The following PTPRN2 variants were observed in gnomAD, a reference collection of about 807,000 sequenced individuals.
The protein encoded by PTPRN2 is protein tyrosine phosphatase receptor type N2.
Under a neutral mutation model 118.8 loss-of-function variants are expected in PTPRN2, and 74 were observed. The observed-to-expected ratio is 0.62, with a 90% CI of 0.52 to 0.76. PTPRN2 has a LOEUF of 0.76. Among genes scored for constraint, PTPRN2 ranks in the 30% least tolerant of loss-of-function variants. The pLI is 0.00. For missense variants in PTPRN2, 1,481 were observed against 1,394.4 expected (o/e 1.06, Z -0.99); for synonymous variants, 641 against 608.0 (o/e 1.05, Z -0.80).
chr7:157,891,215 T>C (rs1796779525), intron 12 of PTPRN2, among the ~76,000 whole-genome samples: 1 of 152,194 alleles, frequency 6.6e-6, no homozygotes, highest in Admixed American at 6.5e-5. Context: ...AAAGTCTGCA[T>C]TCAATGTCCA....
rs568798201 is a variant in PTPRN2 at position 157,818,298 on chromosome 7, GAGGGA to G, written c.1788+80370_1788+80374del. 4.6e-5 allele frequency among the ~76,000 whole-genome samples: 7 copies of G among 152,278 alleles called. No homozygotes were observed. In the East Asian group the frequency reaches 1.3e-3, roughly 29 times the overall value. ...ATGCCGGCAGTGTGTTGGTCATAGG[GAGGGA>G]AGGTGGAGGCTGCGGTCTAGCAGCA... On this transcript the variant is annotated intron_variant, in intron 12 of 22. Transcript: ENST00000389418.
rs777797435 is a variant in PTPRN2, at chr7:157,578,076, C to T, written c.2561G>A (p.Arg854Gln). 4.3e-6 allele frequency: 7 copies of T among 1,613,488 alleles called. No homozygotes were observed. The highest frequency in any genetic ancestry group is 1.3e-5 in the African/African-American group (1 of 74,910). Residue 854 changes from arginine to glutamine, a missense_variant, in exon 18 of 23, where the codon CGG (arginine) becomes CAG (glutamine). Transcript: ENST00000389418. ...MLTPLAENGVRQCYHYWPDEG... is the reference protein window; with the variant it reads ...MLTPLAENGVQQCYHYWPDEG... ...ATCCGGCCAGTAGTGGTAGCACTGC[C>T]GGACGCCGTTCTCCGCGAGGGGTGT...
At chr7:157,802,335 C>G (rs1185255663) in intron 12 of PTPRN2, among the ~76,000 whole-genome samples, 1 of 152,322 alleles carries the variant, frequency 6.6e-6, no homozygotes, top group African/African-American at 2.4e-5. Context: ...GTCGTGCAGC[C>G]TCTGTCCTGG....
chr7:158,162,409 T>C (rs1330935094), intron 6 of PTPRN2, among the ~76,000 whole-genome samples: 2 of 152,168 alleles, frequency 1.3e-5, no homozygotes, highest in East Asian at 3.9e-4. Flanking sequence ...TATAATGTAA[T>C]AATACAATAC....
intron 12 of PTPRN2, among the ~76,000 whole-genome samples, chr7:157,703,702 C>A (rs189062362): frequency 6.6e-6 from 1 of 152,096 alleles, no homozygotes; most frequent in Non-Finnish European, 1.5e-5. Context: ...GGGGTTCCTG[C>A]GGTCCAACCC....
chr7:158,364,731 G>C (rs1052409690), intron 2 of PTPRN2, among the ~76,000 whole-genome samples: 2 of 152,096 alleles, frequency 1.3e-5, no homozygotes, highest in African/African-American at 2.4e-5. Flanking sequence ...TGTGTTTGTG[G>C]GGCATCGTCT....
chr7:157,811,700 C>T (rs1456718558), intron 12 of PTPRN2, among the ~76,000 whole-genome samples: 1 of 152,140 alleles, frequency 6.6e-6, no homozygotes, highest in Non-Finnish European at 1.5e-5. Context: ...ATGCTCCCCA[C>T]AGGCCGGCCC....
chr7:158,264,899 G>C (rs1156792733), intron 3 of PTPRN2, among the ~76,000 whole-genome samples: 1 of 152,134 alleles, frequency 6.6e-6, no homozygotes, highest in Non-Finnish European at 1.5e-5. Flanking sequence ...GAGTTTTGGG[G>C]TCCTCCTCCT....
chr7:158,542,941 C>T (rs1469846157), intron 1 of PTPRN2, among the ~76,000 whole-genome samples: 2 of 152,228 alleles, frequency 1.3e-5, no homozygotes, highest in East Asian at 3.9e-4. Flanking sequence ...GCCGCAGAGA[C>T]CACAAAGCCC....
intron 12 of PTPRN2, among the ~76,000 whole-genome samples, chr7:157,737,159 T>C (rs1371576530): frequency 6.6e-6 from 1 of 152,252 alleles, no homozygotes; most frequent in Non-Finnish European, 1.5e-5. Context: ...ATGTATTTCA[T>C]GAAGCTTCGG....
At chr7:157,745,443 G>A (rs1254722156) in intron 12 of PTPRN2, among the ~76,000 whole-genome samples, 3 of 152,008 alleles carry the variant, frequency 2.0e-5, no homozygotes, top group Non-Finnish European at 4.4e-5. Context: ...TGGGGGAGAG[G>A]ACAGGCTGTG....
rs529004537 is a variant in PTPRN2 at position 158,376,423 on chromosome 7, C to A, written c.164-59491G>T. The stretch of plus-strand genomic sequence containing the variant: ...GGGACTCCCCCATGGCCCTGTCATA[C>A]GTCCTGAGGGAGGGGTTCAGGGGAC... On this transcript the variant is annotated intron_variant, in intron 2 of 22. Coordinates refer to ENST00000389418, the MANE Select transcript of PTPRN2 (RefSeq NM_002847.5). Among the ~76,000 whole-genome samples the A allele has an allele frequency of 5.6e-3, 812 of 144,090 alleles. 10 individuals are homozygous for A. Among genetic ancestry groups the A allele is most frequent in the African/African-American group, 0.02 (772 of 38,070 alleles). 94.5% of individuals were successfully genotyped at this position (144,090 alleles called of 152,430 possible).
chr7:157,897,819 G>A (rs867261237), intron 12 of PTPRN2, among the ~76,000 whole-genome samples: 4 of 152,386 alleles, frequency 2.6e-5, no homozygotes, highest in Middle Eastern at 3.4e-3. Flanking sequence ...GCTGTGCAGC[G>A]AGCACACTCA....
intron 11 of PTPRN2, among the ~76,000 whole-genome samples, chr7:158,064,082 T>C (rs1810568461): frequency 6.6e-6 from 1 of 152,182 alleles, no homozygotes; most frequent in African/African-American, 2.4e-5. Context: ...CAGCAGAATG[T>C]GGCCATGCAG....
At chr7:157,659,709 A>C (rs956848496) in intron 13 of PTPRN2, among the ~76,000 whole-genome samples, 4 of 151,810 alleles carry the variant, frequency 2.6e-5, no homozygotes, top group Admixed American at 2.6e-4. Context: ...ATAAACAAAC[A>C]AAAAAAACCC....
chr7:158,053,799 G>C (rs1809522465), intron 11 of PTPRN2, among the ~76,000 whole-genome samples: 1 of 150,494 alleles, frequency 6.6e-6, no homozygotes. Context: ...CAGAGACGCA[G>C]AGACTCCAGA....
intron 2 of PTPRN2, among the ~76,000 whole-genome samples, chr7:158,469,339 G>A (rs1819671758): frequency 1.3e-5 from 2 of 152,168 alleles, no homozygotes; most frequent in African/African-American, 4.8e-5. Flanking sequence ...TACTCAGGAA[G>A]CTGAGGGAGC....
intron 3 of PTPRN2, among the ~76,000 whole-genome samples, chr7:158,232,416 C>G (rs1248277215): frequency 1.3e-5 from 2 of 152,036 alleles, no homozygotes; most frequent in African/African-American, 4.8e-5. Context: ...AAAACTTCAA[C>G]AAACCAATAA....
At chr7:158,165,916 T>C (rs954123996) in intron 6 of PTPRN2, among the ~76,000 whole-genome samples, 4 of 152,128 alleles carry the variant, frequency 2.6e-5, no homozygotes, top group African/African-American at 9.7e-5. Flanking sequence ...GCCGACACTG[T>C]TCAGCTAGTG....
Sources: gnomAD v4.1 joint callset for allele counts (sites outside exome capture counted in the v4.1 genomes callset) on GRCh38, gnomAD v4.1.1 for gene constraint, MANE v1.5 for transcripts, NCBI Gene and HGNC (gene_info 2026-07-23, HGNC 2026-07-21) for gene names.